The following DENND1A variants were observed in gnomAD, a reference collection of about 807,000 sequenced individuals.
DENND1A encodes DENN domain containing 1A.
Under a neutral mutation model 113.7 loss-of-function variants are expected in DENND1A, and 51 were observed. The observed-to-expected ratio is 0.45, with a 90% CI of 0.36 to 0.57. The LOEUF (loss-of-function observed/expected upper bound fraction) is 0.57. Ranked by LOEUF, DENND1A falls within the 20% of genes least tolerant of loss-of-function variation. DENND1A has a pLI of 0.00. For missense variants in DENND1A, 1,258 were observed against 1,395.9 expected, an observed-to-expected ratio of 0.90 and a Z score of 1.57; for synonymous variants, 565 against 570.8, an observed-to-expected ratio of 0.99 and a Z score of 0.14.
intron 3 of DENND1A, among the ~76,000 whole-genome samples, chr9:123,773,398 G>T (rs946775816): frequency 6.6e-6 from 1 of 152,106 alleles, no homozygotes; most frequent in Non-Finnish European, 1.5e-5. Context: ...TTCTCATCCG[G>T]TCAGAAGGCC....
intron 12 of DENND1A, among the ~76,000 whole-genome samples, chr9:123,578,732 G>A (rs570574094): frequency 6.6e-6 from 1 of 152,276 alleles, no homozygotes; most frequent in Admixed American, 6.5e-5. Flanking sequence ...AAGTAAAAGG[G>A]AAATGGGCAA....
rs576163241 is a variant in DENND1A at position 123,836,300 on chromosome 9, C to A, written c.88+42651G>T. Among the ~76,000 whole-genome samples the A allele has an allele frequency of 4.7e-4, 72 of 152,170 alleles. 1 individual carries two copies. The highest frequency in any genetic ancestry group is 1.6e-3 in the African/African-American group (65 of 41,514). ...ATAACTATGAGGAAAGGCTAATGGGCAATAATACCCCTGGGCTCACATATG... is the reference window on the plus strand; with the variant it reads ...ATAACTATGAGGAAAGGCTAATGGGAAATAATACCCCTGGGCTCACATATG... On this transcript the variant is annotated intron_variant, in intron 2 of 23. Transcript: ENST00000394215.
intron 1 of DENND1A, among the ~76,000 whole-genome samples, chr9:123,910,915 T>C (rs1183341468): frequency 6.6e-6 from 1 of 152,084 alleles, no homozygotes; most frequent in African/African-American, 2.4e-5. Flanking sequence ...TGCATTCCAG[T>C]CTGGGCAATG....
chr9:123,473,986 CTTTTTTTTTTTT>C (rs5900577), intron 13 of DENND1A, among the ~76,000 whole-genome samples: 4 of 70,710 alleles, frequency 5.7e-5, no homozygotes, highest in East Asian at 4.6e-4. Context: ...TACTTTCTTT[CTTTTTTTTTTTT>C]TTTTTTTTTT....
intron 13 of DENND1A, among the ~76,000 whole-genome samples, chr9:123,469,005 C>A (rs2049179324): frequency 6.6e-6 from 1 of 152,150 alleles, no homozygotes; most frequent in Non-Finnish European, 1.5e-5. Flanking sequence ...GACCCCTGAG[C>A]CCACACACAC....
At chr9:123,903,739 T>TG (rs1026710059) in intron 1 of DENND1A, among the ~76,000 whole-genome samples, 147 of 152,352 alleles carry the variant, frequency 9.6e-4, no homozygotes, top group African/African-American at 3.4e-3. Context: ...GGTGTCTCGC[T>TG]GATTGCTAGC....
intron 11 of DENND1A, among the ~76,000 whole-genome samples, chr9:123,584,637 C>A (rs1176493576): frequency 1.3e-5 from 2 of 152,204 alleles, no homozygotes; most frequent in South Asian, 2.1e-4. Context: ...TTCTTATCAA[C>A]CCCTGTGAAG....
intron 5 of DENND1A, among the ~76,000 whole-genome samples, chr9:123,683,660 C>T (rs2064616439): frequency 6.6e-6 from 1 of 152,186 alleles, no homozygotes; most frequent in South Asian, 2.1e-4. Flanking sequence ...ACCTCCTGGG[C>T]TTACTAGACA....
intron 1 of DENND1A, among the ~76,000 whole-genome samples, chr9:123,896,342 A>G (rs544459890): frequency 6.6e-6 from 1 of 151,644 alleles, no homozygotes; most frequent in Non-Finnish European, 1.5e-5. Context: ...AAAAAAAAAA[A>G]CCCTCAACCC....
Position 123,381,193 on chromosome 9 carries a change from C to T in DENND1A, c.*239G>A. 1.7e-6 allele frequency: 1 copy of T among 573,974 alleles called. No homozygotes were observed. The highest frequency in any genetic ancestry group is 3.1e-5 in the Admixed American group (1 of 32,076). The allele number at this position is 573,974 out of a possible 1,614,324, so 35.6% of individuals were successfully genotyped here. ...AATCAAGGGTGCCGAGGAGAGGCAA[C>T]CGCGGGGTGGGATGGGCACTCAGGA... is the stretch of plus-strand genomic sequence containing the variant. On this transcript the variant is annotated 3_prime_UTR_variant, in exon 24 of 24. Coordinates refer to ENST00000394215, the MANE Select transcript of DENND1A (RefSeq NM_001352964.2). This position sits in a 1 kb window ranked among gnomAD's most constrained non-coding sequence, Gnocchi z 4.7.
intron 6 of DENND1A, among the ~76,000 whole-genome samples, chr9:123,672,464 C>T (rs769263630): frequency 6.6e-6 from 1 of 152,108 alleles, no homozygotes; most frequent in East Asian, 1.9e-4. Context: ...GCCAAGATTA[C>T]GCCCCATCAT....
chr9:123,789,062 GT>G (rs542938026), intron 3 of DENND1A, among the ~76,000 whole-genome samples: 9,517 of 139,364 alleles, frequency 0.068, 387 homozygotes, highest in Middle Eastern at 0.14. Flanking sequence ...CTTTTGCCTT[GT>G]TTTTTTTTTT....
intron 1 of DENND1A, among the ~76,000 whole-genome samples, chr9:123,926,869 G>C (rs958771360): frequency 1.3e-5 from 2 of 150,622 alleles, no homozygotes; most frequent in African/African-American, 4.9e-5. Flanking sequence ...CATGGTACGG[G>C]ACACAGACAA....
chr9:123,520,625 GA>G (rs2054317477), intron 13 of DENND1A, among the ~76,000 whole-genome samples: 2 of 152,276 alleles, frequency 1.3e-5, no homozygotes, highest in Admixed American at 1.3e-4. Context: ...TTGAGAGTCA[GA>G]TTTGGATGTG....
At chr9:123,789,983 TTG>T (rs34530449) in intron 3 of DENND1A, among the ~76,000 whole-genome samples, 28,815 of 149,786 alleles carry the variant, frequency 0.19, 4,064 homozygotes, top group African/African-American at 0.4. Flanking sequence ...GAGGGGGAAT[TTG>T]TGTGTGTGTG....
At chr9:123,561,269 C>T (rs906260463) in intron 12 of DENND1A, among the ~76,000 whole-genome samples, 8 of 151,958 alleles carry the variant, frequency 5.3e-5, no homozygotes, top group African/African-American at 1.4e-4. Flanking sequence ...GCCTCATTAC[C>T]ATTTTACACA....
Position 123,536,236 on chromosome 9 carries a change from G to A in DENND1A, c.993+21334C>T, listed in dbSNP as rs577824462. Among the ~76,000 whole-genome samples, 5 of 152,140 alleles carry A rather than the reference G, an allele frequency of 3.3e-5. No homozygotes were observed. In the East Asian group the frequency reaches 9.6e-4, roughly 29 times the overall value. ...TCACATCCCGGCACTTTGGGAGGCC[G>A]AGGCAGGTGGCTCACTTGAGGTCAG... On this transcript the variant is annotated intron_variant, in intron 13 of 23. Coordinates refer to ENST00000394215, the MANE Select transcript of DENND1A (RefSeq NM_001352964.2).
At chr9:123,774,629 C>T (rs940759435) in intron 3 of DENND1A, among the ~76,000 whole-genome samples, 1 of 151,958 alleles carries the variant, frequency 6.6e-6, no homozygotes, top group African/African-American at 2.4e-5. Context: ...AACATAAAAG[C>T]CGGGTCAAAT....
intron 11 of DENND1A, among the ~76,000 whole-genome samples, chr9:123,588,639 G>GC (rs983716413): frequency 7.5e-6 from 1 of 132,596 alleles, no homozygotes; most frequent in African/African-American, 2.7e-5. Flanking sequence ...AAAAAGGGGG[G>GC]GGGGGAAGAG....
Sources: gnomAD v4.1 joint callset for allele counts (sites outside exome capture counted in the v4.1 genomes callset) on GRCh38, gnomAD v4.1.1 for gene constraint, Gnocchi (gnomAD v3.1) non-coding constraint, MANE v1.5 for transcripts, NCBI Gene and HGNC (gene_info 2026-07-23, HGNC 2026-07-21) for gene names.